The following VPS13D variants were observed in gnomAD, a reference collection of about 807,000 sequenced individuals.
VPS13D encodes the protein vacuolar protein sorting 13 homolog D.
A neutral mutation model predicts 461.9 loss-of-function variants in VPS13D; 187 were observed. The observed-to-expected ratio is 0.40, with a 90% CI of 0.36 to 0.46. The LOEUF (loss-of-function observed/expected upper bound fraction) is 0.46. Among genes scored for constraint, VPS13D ranks in the 20% least tolerant of loss-of-function variants. VPS13D has a pLI of 0.60. For missense variants in VPS13D, 4,711 were observed against 5,364.9 expected, an observed-to-expected ratio of 0.88 and a Z score of 3.81; for synonymous variants, 1,951 against 1,986.3, an observed-to-expected ratio of 0.98 and a Z score of 0.47.
At chr1:12,263,776 A>G (rs1366532825) in intron 13 of VPS13D, among the ~76,000 whole-genome samples, 3 of 152,218 alleles carry the variant, frequency 2.0e-5, no homozygotes, top group Non-Finnish European at 2.9e-5. Flanking sequence ...TAACTAGCAG[A>G]TTACTTGAAC....
rs767640506 is a variant in VPS13D at position 12,299,353 on chromosome 1, G to A, written c.6185G>A (p.Gly2062Asp). The change falls in exon 25 of 70, where the codon GGT becomes GAT. Residue 2062 changes from glycine to aspartate, a missense_variant. By Grantham distance (94) the Gly-to-Asp change is moderately conservative (BLOSUM62 -1). Around this residue, in one of 3 missense-constraint regions of VPS13D, gnomAD observed 4,411 missense variants for 4,937.8 expected, o/e 0.89. Coordinates refer to ENST00000620676, the MANE Select transcript of VPS13D (RefSeq NM_015378.4). The surrounding 1 kb of genome is among the most constrained non-coding windows in gnomAD (Gnocchi z 4.2). Reference sequence around the variant, plus strand: ...GTCAAAAATAAGTTTCTGTTTGCTGGTTTTCCTGGCACCTTTTCCCTACAA... The same window carrying A: ...GTCAAAAATAAGTTTCTGTTTGCTGATTTTCCTGGCACCTTTTCCCTACAA... ...LKVKNKFLFA[G>D]FPGTFSLQDK... 8.1e-6 allele frequency: 13 copies of A among 1,613,274 alleles called. No homozygotes were observed. The South Asian group carries it at 1.4e-4, about 18-fold the overall frequency.
At chr1:12,366,206 G>A (rs796419140) in intron 52 of VPS13D, among the ~76,000 whole-genome samples, 27 of 152,242 alleles carry the variant, frequency 1.8e-4, no homozygotes, top group African/African-American at 5.5e-4. Flanking sequence ...ACCATACCTG[G>A]CCCCAAGATA....
At chr1:12,312,264 G>A (rs1251495640) in intron 29 of VPS13D, among the ~76,000 whole-genome samples, 1 of 152,184 alleles carries the variant, frequency 6.6e-6, no homozygotes, top group Non-Finnish European at 1.5e-5. Context: ...CTAGTGTTTT[G>A]ATGTGCCAGC....
chr1:12,343,070 T>A lies in VPS13D; in HGVS notation c.8885+19T>A. 1 of 1,569,846 alleles carries A rather than the reference T, an allele frequency of 6.4e-7. No individual in the cohort carries two copies. The highest frequency in any genetic ancestry group is 8.7e-7 in the Non-Finnish European group (1 of 1,150,024). On this transcript the variant is annotated intron_variant, in intron 42 of 69. Coordinates refer to ENST00000620676, the MANE Select transcript of VPS13D (RefSeq NM_015378.4). ...GACACAGGTAAAGTATGGTTTATTC[T>A]TTTCTTTAAAAAAAAGAAAGTGGAT...
At chr1:12,461,389 A>G (rs1050431407) in intron 67 of VPS13D, among the ~76,000 whole-genome samples, 1 of 152,208 alleles carries the variant, frequency 6.6e-6, no homozygotes, top group Non-Finnish European at 1.5e-5. Flanking sequence ...CAGTAGGGGA[A>G]ATGCTCCGAT....
chr1:12,266,451 C>T (rs762577747), intron 13 of VPS13D, among the ~76,000 whole-genome samples: 1 of 152,250 alleles, frequency 6.6e-6, no homozygotes. Context: ...CAGGCATCAT[C>T]ATGTAGGCAA....
chr1:12,458,600 C>T (rs1438315063), intron 66 of VPS13D, among the ~76,000 whole-genome samples: 2 of 152,054 alleles, frequency 1.3e-5, no homozygotes, highest in African/African-American at 2.4e-5. Flanking sequence ...AGAGATATTG[C>T]CTCACTGGAG....
rs1204702616 is a variant in VPS13D at position 12,327,743 on chromosome 1, G to A, written c.8086G>A (p.Val2696Met). 1.9e-6 allele frequency: 3 copies of A among 1,614,080 alleles called. No individual in the cohort carries two copies. The highest frequency in any genetic ancestry group is 2.5e-6 in the Non-Finnish European group (3 of 1,180,040). The change falls in exon 36 of 70, where the codon GTG (valine) becomes ATG (methionine). Residue 2696 changes from valine to methionine, a missense_variant. Val to Met is a conservative substitution (Grantham distance 21). This residue lies in a region of VPS13D where 4,411 missense variants were observed against 4,937.8 expected (regional missense o/e 0.89). Transcript: ENST00000620676. ...CACCAGCCGAGATAGCCCAGGGGCT[G>A]TGGCAGCGCCATTGATCTCTGGCGT... ...ASTSRDSPGA[V>M]AAPLISGVEI...
intron 67 of VPS13D, among the ~76,000 whole-genome samples, chr1:12,481,428 A>G (rs1570257830): frequency 6.6e-6 from 1 of 152,254 alleles, no homozygotes. Context: ...ATATATATCG[A>G]TTTCCAGGCT....
chr1:12,490,092 T>C (rs1053234528), intron 67 of VPS13D, among the ~76,000 whole-genome samples: 1 of 152,228 alleles, frequency 6.6e-6, no homozygotes, highest in Admixed American at 6.5e-5. Context: ...CCCAGTCTTC[T>C]TCAGGACCTA....
Position 12,497,514 on chromosome 1 carries a change from G to A in VPS13D, c.12677G>A (p.Arg4226Lys). The change falls in exon 68 of 70, where the codon AGG (arginine) becomes AAG (lysine). Residue 4226 changes from arginine (R) to lysine (K), a missense_variant. Physicochemically the swap from Arg to Lys is conservative, Grantham distance 26. This residue lies in a region of VPS13D where 194 missense variants were observed against 220.9 expected (regional missense o/e 0.88). Coordinates refer to ENST00000620676, the MANE Select transcript of VPS13D (RefSeq NM_015378.4). ...TLSGPRTQAQ[R>K]VRKPRCCTGP... ...TACCCATCTAGGACTCAAGCACAGAGGGTTCGGAAACCGCGTTGCTGCACG... is the reference window on the plus strand; with the variant it reads ...TACCCATCTAGGACTCAAGCACAGAAGGTTCGGAAACCGCGTTGCTGCACG... The A allele has an allele frequency of 6.2e-7, 1 of 1,614,004 alleles. No individual in the cohort carries two copies. The highest frequency in any genetic ancestry group is 8.5e-7 in the Non-Finnish European group (1 of 1,179,938).
At chr1:12,503,284 G>C (rs1646059036) in intron 68 of VPS13D, among the ~76,000 whole-genome samples, 1 of 152,064 alleles carries the variant, frequency 6.6e-6, no homozygotes, top group African/African-American at 2.4e-5. Context: ...CTGACACTGA[G>C]CCCCAAGCCC....
intron 2 of VPS13D, among the ~76,000 whole-genome samples, chr1:12,235,596 A>C (rs1640122457): frequency 6.6e-6 from 1 of 152,162 alleles, no homozygotes; most frequent in South Asian, 2.1e-4. Context: ...AAATAAAAAA[A>C]AAGTGTTGCT....
At chr1:12,354,275 G>A in intron 47 of VPS13D, 54 bp downstream of exon 47, 4 of 1,586,804 alleles carry the variant, frequency 2.5e-6, no homozygotes, top group Non-Finnish European at 3.4e-6. Flanking sequence ...ATATCAATGA[G>A]TATTTTGTGA....
intron 42 of VPS13D, among the ~76,000 whole-genome samples, chr1:12,344,060 GA>G (rs1643625282): frequency 6.6e-6 from 1 of 152,182 alleles, no homozygotes; most frequent in Non-Finnish European, 1.5e-5. Context: ...ATGAATGTGA[GA>G]AAATGTTCTA....
At chr1:12,264,698 G>T (rs1641212756) in intron 13 of VPS13D, among the ~76,000 whole-genome samples, 1 of 152,238 alleles carries the variant, frequency 6.6e-6, no homozygotes, top group African/African-American at 2.4e-5. Context: ...AAGGAAAGAA[G>T]CCATCTCCAT....
intron 9 of VPS13D, 65 bp from the exon 10 acceptor site, chr1:12,257,870 T>C (rs1640969512): frequency 6.3e-7 from 1 of 1,590,152 alleles, no homozygotes; most frequent in Non-Finnish European, 8.6e-7. Flanking sequence ...TGGATTGTCC[T>C]GGATTGGTAG....
intron 46 of VPS13D, among the ~76,000 whole-genome samples, chr1:12,351,446 A>G (rs1643791479): frequency 6.6e-6 from 1 of 151,866 alleles, no homozygotes; most frequent in African/African-American, 2.4e-5. Context: ...GCCTGCCACC[A>G]TGCCCAGCTA....
intron 50 of VPS13D, 140 bp downstream of exon 50, chr1:12,358,741 C>T: frequency 6.5e-6 from 7 of 1,080,196 alleles, no homozygotes; most frequent in Non-Finnish European, 9.2e-6. Flanking sequence ...TATCTGTTCT[C>T]TGAATGCTAC....
Sources: gnomAD v4.1 joint callset for allele counts (sites outside exome capture counted in the v4.1 genomes callset) on GRCh38, gnomAD v4.1.1 for gene constraint, gnomAD v4.1.1 regional missense constraint, Gnocchi (gnomAD v3.1) non-coding constraint, MANE v1.5 for transcripts, NCBI Gene and HGNC (gene_info 2026-07-23, HGNC 2026-07-21) for gene names.